Variants in KRT86 observed in about 807,000 individuals in gnomAD.
The protein encoded by KRT86 is keratin, type II cuticular Hb6.
KRT86 carries 30 observed loss-of-function variants against 41.2 expected under a neutral mutation model. The observed-to-expected ratio is 0.73, with a 90% CI of 0.54 to 0.99. The LOEUF (loss-of-function observed/expected upper bound fraction) is 0.99, where lower values mean the gene tolerates loss of function less well. Ranked by LOEUF, KRT86 falls within the 50% of genes least tolerant of loss-of-function variation. KRT86 has a pLI of 0.00. For missense variants in KRT86, 561 were observed against 571.4 expected (o/e 0.98, Z 0.19); for synonymous variants, 238 against 238.1 (o/e 1.00, Z 0.00).
intron 2 of KRT86, among the ~76,000 whole-genome samples, chr12:52,296,106 A>C (rs947575744): frequency 1.3e-5 from 2 of 152,202 alleles, no homozygotes; most frequent in Non-Finnish European, 2.9e-5. Context: ...GAAGCAAATC[A>C]GAGGAGATTT....
chr12:52,287,917 T>A, intron 2 of KRT86: 4 of 1,613,338 alleles, frequency 2.5e-6, no homozygotes, highest in Non-Finnish European at 3.4e-6. Flanking sequence ...AAAGGAAGCC[T>A]ATTTAATAGA....
rs373932045 is a variant in KRT86 at position 52,306,127 on chromosome 12, G to A, written c.1094G>A (p.Arg365His). The A allele has an allele frequency of 4.3e-5, 70 of 1,613,892 alleles. No individual in the cohort carries two copies. Among genetic ancestry groups the A allele is most frequent in the Middle Eastern group, 3.4e-4 (2 of 5,966 alleles). The stretch of plus-strand genomic sequence containing the variant: ...GGTGAGGCGGCCCTCAGCGATGCCC[G>A]CTGCAAGTTGGCCGAGCTGGAGGGT... The part of the protein sequence containing the change: ...QQGEAALSDA[R>H]CKLAELEGAL... The change falls in exon 9 of 11, where the codon CGC (arginine) becomes CAC (histidine). Residue 365 changes from arginine to histidine, a missense_variant. Transcript: ENST00000423955.
At chr12:52,283,553 A>T (rs1407525109) in intron 2 of KRT86, among the ~76,000 whole-genome samples, 1 of 130,712 alleles carries the variant, frequency 7.7e-6, no homozygotes, top group Non-Finnish European at 1.5e-5. Context: ...ATCTTGGCTC[A>T]CTGCAACCTC....
chr12:52,301,784 C>A (rs1021013295), intron 2 of KRT86, 129 bp from the exon 3 acceptor site: 2 of 1,590,422 alleles, frequency 1.3e-6, no homozygotes, highest in African/African-American at 1.3e-5. Context: ...CTCCGACCCA[C>A]GTGGTCACAG....
chr12:52,286,166 T>G, intron 2 of KRT86: 1 of 1,033,142 alleles, frequency 9.7e-7, no homozygotes, highest in Middle Eastern at 2.9e-4. Context: ...GAGAAGTAGC[T>G]GAGCACTTGC....
At chr12:52,284,720 G>C (rs1241542232) in intron 2 of KRT86, among the ~76,000 whole-genome samples, 1 of 152,154 alleles carries the variant, frequency 6.6e-6, no homozygotes, top group Non-Finnish European at 1.5e-5. Context: ...GGGTAGGGGT[G>C]GGGGACTCCC....
At position 52,308,357 on chromosome 12, in the gene KRT86, AG is replaced by A. The variant is rs781724720; in HGVS notation, c.1280-45del. On this transcript the variant is annotated intron_variant, in intron 10 of 10. Coordinates refer to ENST00000423955, the MANE Select transcript of KRT86 (RefSeq NM_001320198.2). ...GGGCTCGCAGCAAAGCCACTCACCC[AG>A]GTCGCGGCTGCGCCTGACGCGCGCC... 3.7e-6 allele frequency: 6 copies of A among 1,612,060 alleles called. No homozygotes were observed. In the South Asian group the frequency reaches 5.5e-5, roughly 15 times the overall value.
chr12:52,296,838 G>T (rs1324404727), intron 2 of KRT86, among the ~76,000 whole-genome samples: 1 of 152,212 alleles, frequency 6.6e-6, no homozygotes, highest in Non-Finnish European at 1.5e-5. Context: ...GTTAGTAAGG[G>T]CATGGCCCTC....
chr12:52,279,736 G>T (rs1020225309), intron 2 of KRT86, among the ~76,000 whole-genome samples: 4 of 152,130 alleles, frequency 2.6e-5, no homozygotes, highest in Non-Finnish European at 5.9e-5. Flanking sequence ...TGGGGAGCCC[G>T]GAGTCCATGG....
Position 52,302,212 on chromosome 12 carries a change from C to T in KRT86, c.296C>T (p.Ala99Val), listed in dbSNP as rs777333199. The change falls in exon 3 of 11, where the codon GCG becomes GTG. Residue 99 changes from alanine to valine, a missense_variant. By Grantham distance (64) the Ala-to-Val change is moderately conservative. Around this residue, in one of 3 missense-constraint regions of KRT86, gnomAD observed 164 missense variants for 172.5 expected, o/e 0.95. Coordinates refer to ENST00000423955, the MANE Select transcript of KRT86 (RefSeq NM_001320198.2). ...TPLNLEIDPN[A>V]QCVKQEEKEQ... ...CTCAACCTGGAGATCGACCCCAACG[C>T]GCAGTGCGTGAAGCAGGAGGAGAAG... 1.6e-5 allele frequency: 19 copies of T among 1,191,608 alleles called. No homozygotes were observed. The highest frequency in any genetic ancestry group is 1.9e-5 in the Non-Finnish European group (16 of 859,166). The allele number at this position is 1,191,608 out of a possible 1,614,324, so 73.8% of individuals were successfully genotyped here.
intron 2 of KRT86, chr12:52,285,959 A>C: frequency 2.1e-6 from 1 of 475,642 alleles, no homozygotes; most frequent in Non-Finnish European, 3.9e-6. Context: ...CAGAGGAGGA[A>C]GGGGAGAGGC....
chr12:52,297,454 A>T (rs1391587695), intron 2 of KRT86, among the ~76,000 whole-genome samples: 1 of 152,152 alleles, frequency 6.6e-6, no homozygotes, highest in Non-Finnish European at 1.5e-5. Context: ...CGAGTCCCCC[A>T]TCTGGAAAAT....
At chr12:52,295,972 A>G (rs1396277345) in intron 2 of KRT86, among the ~76,000 whole-genome samples, 1 of 151,994 alleles carries the variant, frequency 6.6e-6, no homozygotes, top group African/African-American at 2.4e-5. Flanking sequence ...GTGTCCTTCA[A>G]CCAAGCAAAG....
intron 2 of KRT86, chr12:52,291,461 G>A: frequency 1.2e-6 from 2 of 1,612,984 alleles, no homozygotes; most frequent in Non-Finnish European, 1.7e-6. Context: ...TGATCCGCAG[G>A]TCATGATCCT....
intron 5 of KRT86, among the ~76,000 whole-genome samples, chr12:52,304,378 CT>C (rs1938450333): frequency 1.6e-5 from 2 of 127,994 alleles, no homozygotes; most frequent in Non-Finnish European, 3.3e-5. Flanking sequence ...CAGCACCTAC[CT>C]TGGGCAAGGG....
At chr12:52,287,596 C>T in intron 2 of KRT86, 8 of 1,613,960 alleles carry the variant, frequency 5.0e-6, no homozygotes, top group Non-Finnish European at 6.8e-6. Flanking sequence ...TGCCCCATAC[C>T]TGGCACTTGG....
chr12:52,301,165 G>A (rs772513092), intron 2 of KRT86, among the ~76,000 whole-genome samples: 32 of 151,926 alleles, frequency 2.1e-4, no homozygotes, highest in Admixed American at 7.9e-4. Flanking sequence ...GTGAAAGAGA[G>A]AGGGGGGGTT....
At chr12:52,287,894 C>G (rs1470171086) in intron 2 of KRT86, 2 of 1,609,060 alleles carry the variant, frequency 1.2e-6, no homozygotes, top group Non-Finnish European at 1.7e-6. Flanking sequence ...CCCTAGGGAC[C>G]AGCATCCCCA....
intron 2 of KRT86, chr12:52,286,278 C>A: frequency 6.4e-7 from 1 of 1,553,956 alleles, no homozygotes; most frequent in East Asian, 2.4e-5. Flanking sequence ...CAGCTGCTGC[C>A]GCAAGACCCC....
Sources: gnomAD v4.1 joint callset for allele counts (sites outside exome capture counted in the v4.1 genomes callset) on GRCh38, gnomAD v4.1.1 for gene constraint, gnomAD v4.1.1 regional missense constraint, MANE v1.5 for transcripts, NCBI Gene and HGNC (gene_info 2026-07-23, HGNC 2026-07-21) for gene names.